Variants in FOXP2 observed in about 807,000 individuals in gnomAD.
FOXP2 encodes the protein forkhead box protein P2.
Under a neutral mutation model 115.8 loss-of-function variants are expected in FOXP2, and 12 were observed. The ratio of observed to expected loss-of-function variants is 0.10; its 90% confidence interval spans 0.07 to 0.17. The LOEUF is 0.17. FOXP2 is among the 10% of genes least tolerant of loss of function. The pLI is 1.00. For missense variants in FOXP2, 629 were observed against 843.5 expected, an observed-to-expected ratio of 0.75 and a Z score of 3.15; for synonymous variants, 328 against 297.7, an observed-to-expected ratio of 1.10 and a Z score of -1.05.
Position 114,644,712 on chromosome 7 carries a change from T to C in FOXP2, c.1017T>C (p.Ser339=). 1 of 1,614,038 alleles carries C rather than the reference T, an allele frequency of 6.2e-7. No individual in the cohort carries two copies. Among genetic ancestry groups the C allele is most frequent in the Non-Finnish European group, 8.5e-7 (1 of 1,179,940 alleles). Residue 339 remains serine (S), a synonymous_variant, in exon 8 of 17, where the codon TCT becomes TCC. Coordinates refer to ENST00000350908, the MANE Select transcript of FOXP2 (RefSeq NM_014491.4). ...DSSSHEETGA[S]HTLYGHGVCK... ...CGTCACATGAGGAGACTGGGGCCTC[T>C]CACACTCTCTATGGCCATGGAGTTT...
At chr7:114,545,875 C>G (rs1799897943) in intron 3 of FOXP2, among the ~76,000 whole-genome samples, 1 of 152,116 alleles carries the variant, frequency 6.6e-6, no homozygotes, top group Admixed American at 6.5e-5. Context: ...TCCTCCCCAT[C>G]CTCACCAGCA....
chr7:114,294,883 C>A (rs1351015704), intron 2 of FOXP2, among the ~76,000 whole-genome samples: 12 of 151,806 alleles, frequency 7.9e-5, no homozygotes, highest in Admixed American at 5.9e-4. Flanking sequence ...TACATACATA[C>A]ATACATACAT....
chr7:114,629,860 TGCAGCAGCAGCA>T lies in FOXP2; in HGVS notation c.456_467del (p.Gln188_Gln191del). On this transcript the variant is annotated inframe_deletion, in exon 5 of 17. Coordinates refer to ENST00000350908, the MANE Select transcript of FOXP2 (RefSeq NM_014491.4). ...CAAGAGCAGTTACATCTTCAGCTTT[TGCAGCAGCAGCA>T]GCAACAGCAGCAGCAGCAACAACAG... The T allele has an allele frequency of 2.5e-6, 4 of 1,602,362 alleles. No individual in the cohort carries two copies. The highest frequency in any genetic ancestry group is 3.4e-6 in the Non-Finnish European group (4 of 1,176,808).
intron 6 of FOXP2, among the ~76,000 whole-genome samples, chr7:114,632,134 TCAC>T (rs1167933391): frequency 6.6e-6 from 1 of 152,174 alleles, no homozygotes; most frequent in Admixed American, 6.5e-5. Context: ...CACACTGAAA[TCAC>T]CACATGTTAA....
chr7:114,093,708 CCTCGT>C (rs1799587447), intron 1 of FOXP2, among the ~76,000 whole-genome samples: 1 of 151,938 alleles, frequency 6.6e-6, no homozygotes, highest in African/African-American at 2.4e-5. Context: ...AAGTCATGGC[CCTCGT>C]CTCAGGTGAG....
intron 3 of FOXP2, among the ~76,000 whole-genome samples, chr7:114,580,304 A>G (rs1465174550): frequency 2.0e-5 from 3 of 152,220 alleles, no homozygotes; most frequent in Non-Finnish European, 4.4e-5. Context: ...AAGGACGGGC[A>G]CGGTGGCTCA....
At chr7:114,202,338 A>G (rs1032803341) in intron 1 of FOXP2, among the ~76,000 whole-genome samples, 17 of 152,148 alleles carry the variant, frequency 1.1e-4, no homozygotes, top group African/African-American at 2.9e-4. Context: ...GTGTGCTAAT[A>G]TGTGCTGGCT....
At chr7:114,467,335 T>C (rs1795846842) in intron 2 of FOXP2, among the ~76,000 whole-genome samples, 1 of 152,204 alleles carries the variant, frequency 6.6e-6, no homozygotes, top group African/African-American at 2.4e-5. Context: ...AAGCACCATT[T>C]ACATAAGTAT....
chr7:114,380,071 C>T lies in FOXP2; in HGVS notation c.-10-46431C>T, dbSNP rs978792320. ...ATTTCTAATGGAGGGTCCTGCCTTG[C>T]GGGTCATTTGGCTTCAATACCCGCT... On this transcript the variant is annotated intron_variant, in intron 2 of 17. Transcript: ENST00000634411. Among the ~76,000 whole-genome samples, 12 of 152,164 alleles carry T rather than the reference C, an allele frequency of 7.9e-5. No individual in the cohort carries two copies. The East Asian group carries it at 9.7e-4, about 12-fold the overall frequency.
At chr7:114,570,946 A>G in intron 3 of FOXP2, 4 of 1,351,658 alleles carry the variant, frequency 3.0e-6, no homozygotes, top group Non-Finnish European at 4.2e-6. Flanking sequence ...CAGTCCCACT[A>G]AATAGATTAT....
chr7:114,401,879 G>T (rs909372398), intron 2 of FOXP2, among the ~76,000 whole-genome samples: 1 of 152,196 alleles, frequency 6.6e-6, no homozygotes, highest in Non-Finnish European at 1.5e-5. Flanking sequence ...TCAGCACTTT[G>T]AGAGGCCAAG....
Position 114,415,230 on chromosome 7 carries a change from G to A in FOXP2, c.-141G>A, listed in dbSNP as rs978358640. Reference sequence around the variant, plus strand: ...TGATGGTGGCTTTGACAGTGAGCTAGCTTCTGAGTTTTCCCTTCTTTTTAT... The same window carrying A: ...TGATGGTGGCTTTGACAGTGAGCTAACTTCTGAGTTTTCCCTTCTTTTTAT... On this transcript the variant is annotated 5_prime_UTR_variant, in exon 1 of 17. It removes the in-frame stop codon of an upstream open reading frame in the 5' UTR. Coordinates refer to ENST00000350908, the MANE Select transcript of FOXP2 (RefSeq NM_014491.4). 5.9e-5 allele frequency: 27 copies of A among 453,970 alleles called. No individual in the cohort carries two copies. The highest frequency in any genetic ancestry group is 7.9e-5 in the Non-Finnish European group (18 of 226,716). 28.1% of individuals were successfully genotyped at this position (453,970 alleles called of 1,614,324 possible).
intron 2 of FOXP2, among the ~76,000 whole-genome samples, chr7:114,460,405 A>G (rs1041106465): frequency 6.6e-6 from 1 of 152,188 alleles, no homozygotes; most frequent in Non-Finnish European, 1.5e-5. Flanking sequence ...TGAAATTCCC[A>G]AACTTCTGTG....
At chr7:114,119,106 T>G (rs756334833) in intron 1 of FOXP2, among the ~76,000 whole-genome samples, 28 of 152,176 alleles carry the variant, frequency 1.8e-4, no homozygotes, top group Non-Finnish European at 4.0e-4. Flanking sequence ...CATGAACAAT[T>G]AATGACTACT....
At chr7:114,683,986 A>G (rs1039938523) in intron 16 of FOXP2, among the ~76,000 whole-genome samples, 16 of 152,134 alleles carry the variant, frequency 1.1e-4, no homozygotes, top group Non-Finnish European at 2.2e-4. Flanking sequence ...CTTGCATATT[A>G]AAATTTTCTG....
At chr7:114,418,533 A>G (rs1793455789) in intron 1 of FOXP2, among the ~76,000 whole-genome samples, 1 of 151,882 alleles carries the variant, frequency 6.6e-6, no homozygotes, top group African/African-American at 2.4e-5. Flanking sequence ...AGACATTTGA[A>G]TCTTTAGGAA....
chr7:114,271,988 A>G (rs1240285973), intron 1 of FOXP2, among the ~76,000 whole-genome samples: 2 of 134,822 alleles, frequency 1.5e-5, no homozygotes, highest in East Asian at 4.2e-4. Context: ...ATTATATATA[A>G]TATATAATAT....
chr7:114,570,759 T>C lies in FOXP2; in HGVS notation c.258+36053T>C, dbSNP rs17137124. On this transcript the variant is annotated intron_variant, in intron 3 of 16. Coordinates refer to ENST00000350908, the MANE Select transcript of FOXP2 (RefSeq NM_014491.4). Reference sequence around the variant, plus strand: ...ATAATGTACGTTATTAGCACAAGCCTTAAGATTGAAAAAAAAGCCAACTCC... The same window carrying C: ...ATAATGTACGTTATTAGCACAAGCCCTAAGATTGAAAAAAAAGCCAACTCC... 775,479 of 1,411,456 alleles carry C rather than the reference T, an allele frequency of 0.55. 218,023 individuals carry two copies. The highest frequency in any genetic ancestry group is 0.74 in the East Asian group (32,515 of 43,802). 87.4% of individuals were successfully genotyped at this position (1,411,456 alleles called of 1,614,324 possible).
At chr7:114,218,842 A>G (rs909621003) in intron 1 of FOXP2, among the ~76,000 whole-genome samples, 3 of 152,174 alleles carry the variant, frequency 2.0e-5, no homozygotes, top group Non-Finnish European at 4.4e-5. Context: ...ACATTTCTAT[A>G]GCAACAGTAT....
Sources: gnomAD v4.1 joint callset for allele counts (sites outside exome capture counted in the v4.1 genomes callset) on GRCh38, gnomAD v4.1.1 for gene constraint, MANE v1.5 for transcripts, NCBI Gene and HGNC (gene_info 2026-07-23, HGNC 2026-07-21) for gene names.